The following GRIP1 variants were observed in gnomAD, a reference collection of about 807,000 sequenced individuals.
The protein encoded by GRIP1 is glutamate receptor-interacting protein 1.
In GRIP1, 45 loss-of-function variants were observed where a neutral mutation model predicts 129.9. The ratio of observed to expected loss-of-function variants is 0.35; its 90% CI spans 0.27 to 0.44. The LOEUF (loss-of-function observed/expected upper bound fraction) is 0.44, where lower values mean the gene tolerates loss of function less well. Among genes scored for constraint, GRIP1 ranks in the 20% least tolerant of loss-of-function variants. The pLI is 1.00. For missense variants in GRIP1, 1,196 were observed against 1,396.8 expected (o/e 0.86, Z 2.29); for synonymous variants, 530 against 520.8 (o/e 1.02, Z -0.24).
intron 1 of GRIP1, among the ~76,000 whole-genome samples, chr12:66,644,820 C>A (rs1396830589): frequency 6.6e-6 from 1 of 152,182 alleles, no homozygotes; most frequent in African/African-American, 2.4e-5. Flanking sequence ...TCAAGCACAG[C>A]ATACAATACT....
intron 7 of GRIP1, among the ~76,000 whole-genome samples, chr12:66,499,146 T>C (rs901373713): frequency 6.6e-6 from 1 of 152,214 alleles, no homozygotes; most frequent in Non-Finnish European, 1.5e-5. Context: ...ATGGGATTTA[T>C]TGTCCTCTTA....
intron 2 of GRIP1, among the ~76,000 whole-genome samples, chr12:66,542,336 C>T (rs1213110211): frequency 2.6e-5 from 4 of 152,074 alleles, no homozygotes; most frequent in Admixed American, 6.6e-5. Context: ...GATGATAATA[C>T]GAACATATAT....
chr12:66,661,425 G>A (rs1388832593), intron 1 of GRIP1, among the ~76,000 whole-genome samples: 1 of 142,092 alleles, frequency 7.0e-6, no homozygotes, highest in Non-Finnish European at 1.5e-5. Context: ...TGAAAGTAAG[G>A]TTGTACGAAA....
chr12:66,365,548 G>A (rs1277539160), intron 23 of GRIP1, among the ~76,000 whole-genome samples: 5 of 152,212 alleles, frequency 3.3e-5, no homozygotes, highest in Admixed American at 1.3e-4. Context: ...GGTCAGGGCT[G>A]GATGCCATTA....
chr12:66,518,992 G>A (rs1344216567), intron 5 of GRIP1, among the ~76,000 whole-genome samples: 2 of 151,698 alleles, frequency 1.3e-5, no homozygotes, highest in Admixed American at 6.6e-5. Context: ...CATCCTGACT[G>A]TCCATCTGGG....
intron 1 of GRIP1, among the ~76,000 whole-genome samples, chr12:66,632,661 G>C (rs1477048687): frequency 6.6e-6 from 1 of 152,144 alleles, no homozygotes; most frequent in Non-Finnish European, 1.5e-5. Context: ...TTGAGGAAAT[G>C]GTTCTTAATC....
Position 66,678,873 on chromosome 12 carries a change from T to C in GRIP1, c.32A>G (p.Gln11Arg). 6.2e-7 allele frequency: 1 copy of C among 1,613,520 alleles called. No individual in the cohort carries two copies. Among genetic ancestry groups the C allele is most frequent in the Middle Eastern group, 1.7e-4 (1 of 6,056 alleles). The change falls in exon 1 of 25, where the codon CAA becomes CGA. Residue 11 changes from glutamine to arginine, a missense_variant. By Grantham distance (43) the Gln-to-Arg change is conservative. Around this residue, in one of 5 missense-constraint regions of GRIP1, gnomAD observed 217 missense variants for 224.8 expected, o/e 0.97. Coordinates refer to ENST00000359742, the MANE Select transcript of GRIP1 (RefSeq NM_001366722.1). ...ACCTTTAGTAAGTCGCCTCAGAATT[T>C]GACAACGGCATTTAAAAGAGACAGC... MIAVSFKCRC[Q>R]ILRRLTKDES...
At chr12:66,522,228 C>A (rs1271003521) in intron 5 of GRIP1, among the ~76,000 whole-genome samples, 5 of 152,244 alleles carry the variant, frequency 3.3e-5, no homozygotes, top group African/African-American at 1.2e-4. Flanking sequence ...GACCCCCGAG[C>A]AGACTAACTG....
intron 1 of GRIP1, among the ~76,000 whole-genome samples, chr12:66,983,052 T>C (rs753099576): frequency 1.4e-4 from 22 of 152,200 alleles, no homozygotes; most frequent in Non-Finnish European, 2.6e-4. Flanking sequence ...TCCTGAAATG[T>C]AGATGTCATG....
At chr12:66,411,180 C>T (rs1486619400) in intron 15 of GRIP1, among the ~76,000 whole-genome samples, 1 of 152,122 alleles carries the variant, frequency 6.6e-6, no homozygotes, top group Non-Finnish European at 1.5e-5. Flanking sequence ...GTCCCTGATA[C>T]CGTTCCTCCT....
At chr12:66,832,871 T>C (rs2039542983) in intron 1 of GRIP1, among the ~76,000 whole-genome samples, 3 of 152,208 alleles carry the variant, frequency 2.0e-5, no homozygotes, top group Non-Finnish European at 4.4e-5. Context: ...GGAAGATCTT[T>C]GATGCTATCA....
chr12:66,630,155 A>G (rs2030594071), intron 1 of GRIP1: 1 of 152,256 alleles, frequency 6.6e-6, no homozygotes, highest in Non-Finnish European at 1.5e-5. Context: ...GTTTGAGGCC[A>G]GCCTGGGCAA....
chr12:66,363,199 C>CTATATATATATATATATATATA lies in GRIP1; in HGVS notation c.3012+8494_3012+8495insTATATATATATATATATATATA, dbSNP rs1565666323. On this transcript the variant is annotated intron_variant, in intron 23 of 24. Coordinates refer to ENST00000359742, the MANE Select transcript of GRIP1 (RefSeq NM_001366722.1). ...TATATGTATATATGTGTGTGTGTGT[C>CTATATATATATATATATATATA]CATATATATATATATATATATATAT... Among the ~76,000 whole-genome samples the CTATATATATATATATATATATA allele has an allele frequency of 9.9e-4, 35 of 35,324 alleles. 2 individuals are homozygous for CTATATATATATATATATATATA. The highest frequency in any genetic ancestry group is 2.4e-3 in the African/African-American group (32 of 13,180). The allele number at this position is 35,324 out of a possible 152,430, so 23.2% of individuals were successfully genotyped here.
At chr12:66,882,123 T>G (rs2040488678) in intron 1 of GRIP1, among the ~76,000 whole-genome samples, 1 of 151,352 alleles carries the variant, frequency 6.6e-6, no homozygotes, top group Non-Finnish European at 1.5e-5. Context: ...GGCAACCACT[T>G]GGTTCCTCTG....
chr12:66,917,288 C>T (rs2041139223), intron 1 of GRIP1, among the ~76,000 whole-genome samples: 1 of 152,142 alleles, frequency 6.6e-6, no homozygotes, highest in Non-Finnish European at 1.5e-5. Flanking sequence ...ACTCAGTAAC[C>T]AATAATCTCT....
At chr12:66,504,663 T>A (rs1484110468) in intron 7 of GRIP1, among the ~76,000 whole-genome samples, 1 of 152,044 alleles carries the variant, frequency 6.6e-6, no homozygotes, top group Non-Finnish European at 1.5e-5. Flanking sequence ...AGAGATGACA[T>A]AAAAAATAGA....
chr12:67,018,765 C>T (rs777740757), intron 1 of GRIP1, among the ~76,000 whole-genome samples: 13 of 152,104 alleles, frequency 8.5e-5, no homozygotes, highest in Non-Finnish European at 1.8e-4. Flanking sequence ...AGCCAGTCAG[C>T]TCCATTTTGT....
chr12:66,778,227 AT>A lies in GRIP1; in HGVS notation c.-420+25825del, dbSNP rs1375668555. Among the ~76,000 whole-genome samples, 14 of 152,254 alleles carry A rather than the reference AT, an allele frequency of 9.2e-5. No homozygotes were observed. In the East Asian group the frequency reaches 1.7e-3, roughly 19 times the overall value. On this transcript the variant is annotated intron_variant, in intron 1 of 4. Transcript: ENST00000538373. ...AGCTTGAATTTGTGATTTGTATTAT[AT>A]TTCTATTGAACAATAAAACGATCTC...
chr12:66,872,554 G>T (rs1232767352), intron 1 of GRIP1, among the ~76,000 whole-genome samples: 1 of 151,926 alleles, frequency 6.6e-6, no homozygotes, highest in Non-Finnish European at 1.5e-5. Context: ...GGAAGCCAGG[G>T]ATTCGTATCT....
Sources: allele counts gnomAD v4.1 joint callset (sites outside exome capture counted in the v4.1 genomes callset), GRCh38; gene constraint gnomAD v4.1.1; regional missense constraint gnomAD v4.1.1; transcripts MANE v1.5; gene names NCBI Gene and HGNC (gene_info 2026-07-23, HGNC 2026-07-21).